Variants in ABCA1 observed in about 807,000 individuals in gnomAD.
ABCA1 encodes ATP binding cassette subfamily A member 1.
ABCA1 carries 133 observed loss-of-function variants against 262.5 expected under a neutral mutation model. The observed-to-expected ratio is 0.51, with a 90% CI of 0.44 to 0.59. The LOEUF is 0.59. Among genes scored for constraint, ABCA1 ranks in the 20% least tolerant of loss-of-function variants. The pLI, the probability that ABCA1 is intolerant of heterozygous loss-of-function variation, is 0.00. For missense variants in ABCA1, 2,452 were observed against 2,777.5 expected (o/e 0.88, Z 2.63); for synonymous variants, 1,022 against 1,043.5 (o/e 0.98, Z 0.40).
Position 104,814,472 on chromosome 9 carries a change from A to G in ABCA1, c.3742T>C (p.Phe1248Leu). 2 of 1,614,132 alleles carry G rather than the reference A, an allele frequency of 1.2e-6. No homozygotes were observed. The highest frequency in any genetic ancestry group is 1.1e-5 in the South Asian group (1 of 91,076). Residue 1248 changes from phenylalanine to leucine, a missense_variant, in exon 26 of 50, where the codon TTC becomes CTC. Phe to Leu is a conservative substitution (Grantham distance 22). Coordinates refer to ENST00000374736, the MANE Select transcript of ABCA1 (RefSeq NM_005502.4). ...GISETTLEEI[F>L]LKVAEESGVD... ...CCACTCTCTTCGGCCACCTTGAGGA[A>G]TATCTGGAAAATGAGAGAGATGAGA...
intron 5 of ABCA1, among the ~76,000 whole-genome samples, chr9:104,875,215 C>A (rs1371531550): frequency 2.0e-5 from 3 of 151,622 alleles, no homozygotes; most frequent in Non-Finnish European, 4.4e-5. Context: ...TTGTGGCATG[C>A]GCCTGTAATC....
At chr9:104,825,460 T>C in intron 17 of ABCA1, 2 of 609,458 alleles carry the variant, frequency 3.3e-6, no homozygotes, top group East Asian at 5.6e-5. Flanking sequence ...GTATAAAACA[T>C]TTTGCATGCT....
intron 44 of ABCA1, among the ~76,000 whole-genome samples, chr9:104,789,252 A>G (rs1588198428): frequency 6.6e-6 from 1 of 152,176 alleles, no homozygotes; most frequent in Admixed American, 6.5e-5. Context: ...TCACAGCTAT[A>G]CCAACCAAAT....
intron 9 of ABCA1, among the ~76,000 whole-genome samples, chr9:104,839,517 G>GTTT (rs371615750): frequency 0.099 from 14,175 of 142,746 alleles, 704 homozygotes; most frequent in African/African-American, 0.11. Flanking sequence ...TTAAATGTTA[G>GTTT]TTCTTTGTTG....
chr9:104,884,443 T>A lies in ABCA1; in HGVS notation c.286A>T (p.Asn96Tyr). ...TPGEAPGVVG[N>Y]FNKSIVARLF... The stretch of plus-strand genomic sequence containing the variant: ...GATACTTACATGGATTTGTTAAAGT[T>A]TCCAACAACTCCGGGAGCCTCCCCA... The change falls in exon 4 of 50, where the codon AAC becomes TAC. Residue 96 changes from asparagine (N) to tyrosine (Y), a missense_variant. Transcript: ENST00000374736. 3.1e-6 allele frequency: 5 copies of A among 1,614,224 alleles called. No individual in the cohort carries two copies. The highest frequency in any genetic ancestry group is 4.2e-6 in the Non-Finnish European group (5 of 1,180,038).
chr9:104,909,654 A>ACACACACACACACACACACACACACACG (rs770801372), intron 1 of ABCA1, among the ~76,000 whole-genome samples: 1 of 146,508 alleles, frequency 6.8e-6, no homozygotes, highest in African/African-American at 2.5e-5. Context: ...ACACACACAC[A>ACACACACACACACACACACACACACACG]TTCACAGGAA....
intron 39 of ABCA1, among the ~76,000 whole-genome samples, chr9:104,794,872 A>G (rs532288299): frequency 4.9e-4 from 74 of 152,332 alleles, no homozygotes; most frequent in African/African-American, 1.8e-3. Flanking sequence ...GAGTTTCAGG[A>G]TTTTGTCAGA....
intron 7 of ABCA1, among the ~76,000 whole-genome samples, chr9:104,849,006 T>C (rs779586397): frequency 6.6e-6 from 1 of 152,206 alleles, no homozygotes; most frequent in Non-Finnish European, 1.5e-5. Context: ...ACCGGTCATC[T>C]GTCTCCTGAA....
intron 8 of ABCA1, among the ~76,000 whole-genome samples, chr9:104,841,348 G>T (rs940481729): frequency 6.6e-6 from 1 of 152,006 alleles, no homozygotes; most frequent in African/African-American, 2.4e-5. Flanking sequence ...GCTGAGGCAG[G>T]AGAATTGCTT....
At chr9:104,791,885 A>C (rs766616595) in intron 43 of ABCA1, 51 bp downstream of exon 43, 1 of 1,566,472 alleles carries the variant, frequency 6.4e-7, no homozygotes. Context: ...GATTGGGTAG[A>C]GATAGTCTGA....
chr9:104,802,191 C>A, intron 33 of ABCA1, 32 bp from the exon 34 acceptor site: 1 of 1,571,004 alleles, frequency 6.4e-7, no homozygotes, highest in South Asian at 1.1e-5. Flanking sequence ...AAAACCCAGA[C>A]AGTGGGGTGC....
intron 46 of ABCA1, 132 bp downstream of exon 46, chr9:104,787,788 T>C: frequency 6.3e-7 from 1 of 1,592,566 alleles, no homozygotes; most frequent in African/African-American, 1.3e-5. Flanking sequence ...CCTCTGCTTT[T>C]CCAAGGTTGC....
intron 11 of ABCA1, among the ~76,000 whole-genome samples, chr9:104,834,250 T>G (rs1256955569): frequency 1.3e-5 from 2 of 149,788 alleles, no homozygotes; most frequent in Non-Finnish European, 3.0e-5. Flanking sequence ...TCTCATATGG[T>G]GACTTCTTTA....
intron 2 of ABCA1, among the ~76,000 whole-genome samples, chr9:104,902,554 T>C (rs1302904047): frequency 6.6e-6 from 1 of 152,254 alleles, no homozygotes; most frequent in Admixed American, 6.5e-5. Flanking sequence ...TTGGCTGCAC[T>C]TAATTTGTAA....
At chr9:104,897,752 T>G (rs1840338860) in intron 2 of ABCA1, among the ~76,000 whole-genome samples, 1 of 152,196 alleles carries the variant, frequency 6.6e-6, no homozygotes, top group Non-Finnish European at 1.5e-5. Flanking sequence ...TACAGGCAAG[T>G]GCTACCACGC....
At chr9:104,912,273 C>T (rs1841546027) in intron 1 of ABCA1, among the ~76,000 whole-genome samples, 1 of 152,168 alleles carries the variant, frequency 6.6e-6, no homozygotes, top group African/African-American at 2.4e-5. Flanking sequence ...GCGGCTCATG[C>T]CTGTAATCCT....
chr9:104,800,396 T>G (rs1259677642), intron 35 of ABCA1, 114 bp downstream of exon 35: 1 of 969,404 alleles, frequency 1.0e-6, no homozygotes, highest in Non-Finnish European at 1.6e-6. Context: ...GTTAATAGTT[T>G]GCTCTTTTCT....
chr9:104,927,705 C>T (rs902705328), intron 1 of ABCA1: 6 of 152,308 alleles, frequency 3.9e-5, no homozygotes, highest in African/African-American at 1.2e-4. Flanking sequence ...GCTCCCCGGT[C>T]TCCACCGTCG....
chr9:104,872,639 G>C (rs538050032), intron 5 of ABCA1, among the ~76,000 whole-genome samples: 1 of 152,124 alleles, frequency 6.6e-6, no homozygotes, highest in African/African-American at 2.4e-5. Context: ...ATCATTATCC[G>C]GTGCAACTTA....
Sources: gnomAD v4.1 joint callset for allele counts (sites outside exome capture counted in the v4.1 genomes callset) on GRCh38, gnomAD v4.1.1 for gene constraint, MANE v1.5 for transcripts, NCBI Gene and HGNC (gene_info 2026-07-23, HGNC 2026-07-21) for gene names.